AKR1E2: variants seen among roughly 807,000 people sequenced by gnomAD.
AKR1E2 encodes 1,5-anhydro-D-fructose reductase.
A neutral mutation model predicts 41.9 loss-of-function variants in AKR1E2; 43 were observed. That is an observed-to-expected ratio of 1.03 (90% confidence interval 0.80 to 1.32). The LOEUF is 1.32. Among genes scored for constraint, AKR1E2 ranks in the 40% most tolerant of loss-of-function variants. The pLI is 0.00. For missense variants in AKR1E2, 423 were observed against 396.5 expected, an observed-to-expected ratio of 1.07 and a Z score of -0.57; for synonymous variants, 121 against 138.9, an observed-to-expected ratio of 0.87 and a Z score of 0.91.
the AKR1E2 span, among the ~76,000 whole-genome samples, chr10:4,862,739 C>T: frequency 2.0e-5 from 3 of 151,918 alleles, no homozygotes; most frequent in Non-Finnish European, 4.4e-5. Context: ...GTTAGACACA[C>T]ATAGGCTCAA....
At chr10:4,827,236 G>C (rs1447090568) in intron 1 of AKR1E2, among the ~76,000 whole-genome samples, 1 of 152,122 alleles carries the variant, frequency 6.6e-6, no homozygotes, top group East Asian at 1.9e-4. Flanking sequence ...GTAATGTTTT[G>C]AGCCGTGTAT....
chr10:4,857,248 A>T, the AKR1E2 span, among the ~76,000 whole-genome samples: 4 of 152,188 alleles, frequency 2.6e-5, no homozygotes, highest in Non-Finnish European at 4.4e-5. Flanking sequence ...CTCATGTTCA[A>T]TTGTAATCCC....
At chr10:4,845,227 C>T (rs763592783) in intron 8 of AKR1E2, among the ~76,000 whole-genome samples, 68 of 152,060 alleles carry the variant, frequency 4.5e-4, no homozygotes, top group Admixed American at 1.0e-3. Flanking sequence ...GCCCACCAAG[C>T]CCACACCCAC....
At chr10:4,845,791 TGA>T (rs777915546) in intron 8 of AKR1E2, 2 of 471,168 alleles carry the variant, frequency 4.2e-6, no homozygotes, top group South Asian at 3.1e-5. Flanking sequence ...TGCTACACAC[TGA>T]GGGGAAATGC....
chr10:4,865,747 T>C, the AKR1E2 span, among the ~76,000 whole-genome samples: 1 of 152,178 alleles, frequency 6.6e-6, no homozygotes, highest in Admixed American at 6.5e-5. Flanking sequence ...TCAAAATCTT[T>C]AAAAATGTGC....
upstream of AKR1E2, among the ~76,000 whole-genome samples, chr10:4,825,301 G>C (rs1832387169): frequency 6.6e-6 from 1 of 152,158 alleles, no homozygotes; most frequent in Non-Finnish European, 1.5e-5. Flanking sequence ...TCTGGGTGTG[G>C]GTGTCCTCAA....
chr10:4,842,185 G>A (rs1564272367), intron 7 of AKR1E2, among the ~76,000 whole-genome samples: 1 of 152,056 alleles, frequency 6.6e-6, no homozygotes, highest in Admixed American at 6.5e-5. Context: ...AATGTCCAGT[G>A]GGGGGCTGGG....
upstream of AKR1E2, chr10:4,826,136 C>T (rs1224571098): frequency 7.0e-6 from 3 of 429,036 alleles, no homozygotes; most frequent in African/African-American, 4.1e-5. Flanking sequence ...AGTCAGTGCC[C>T]GGCGCGCGAC....
chr10:4,843,344 A>C (rs571349582), intron 8 of AKR1E2, among the ~76,000 whole-genome samples: 54 of 152,260 alleles, frequency 3.5e-4, no homozygotes, highest in African/African-American at 1.3e-3. Context: ...TGGCGTATGG[A>C]AGTACCTGAT....
Position 4,830,724 on chromosome 10 carries a change from G to A in AKR1E2, c.89G>A (p.Gly30Glu), listed in dbSNP as rs148197075. 6.2e-7 allele frequency: 1 copy of A among 1,614,108 alleles called. No homozygotes were observed. The highest frequency in any genetic ancestry group is 1.3e-5 in the African/African-American group (1 of 75,004). Residue 30 changes from glycine (G) to glutamate (E), a missense_variant, in exon 2 of 10, where the codon GGG (glycine) becomes GAG (glutamate). Gly to Glu is a moderately conservative substitution (Grantham distance 98). Coordinates refer to ENST00000298375, the MANE Select transcript of AKR1E2 (RefSeq NM_001040177.3). ...GCAGTGAAAGAGGCCATTGACGCAGGGTACCGGCACTTCGACTGTGCTTAC... is the reference window on the plus strand; with the variant it reads ...GCAGTGAAAGAGGCCATTGACGCAGAGTACCGGCACTTCGACTGTGCTTAC... ...TEAVKEAIDA[G>E]YRHFDCAYFY... is the part of the protein sequence containing the mutation.
At chr10:4,863,676 G>T in the AKR1E2 span, among the ~76,000 whole-genome samples, 1 of 151,670 alleles carries the variant, frequency 6.6e-6, no homozygotes, top group African/African-American at 2.4e-5. Context: ...CCAGGAGCTG[G>T]TTTTTTGAAA....
At chr10:4,870,080 A>AT in the AKR1E2 span, among the ~76,000 whole-genome samples, 5 of 152,066 alleles carry the variant, frequency 3.3e-5, no homozygotes, top group Non-Finnish European at 7.4e-5. Context: ...AATACATAGC[A>AT]TTTTTTGGTG....
upstream of AKR1E2, among the ~76,000 whole-genome samples, chr10:4,825,394 T>C (rs564097987): frequency 4.1e-4 from 63 of 151,868 alleles, no homozygotes; most frequent in Non-Finnish European, 7.1e-4. Flanking sequence ...GTCGGAAGGC[T>C]CCCTTGACCC....
At chr10:4,862,555 A>G in the AKR1E2 span, among the ~76,000 whole-genome samples, 3 of 152,168 alleles carry the variant, frequency 2.0e-5, no homozygotes, top group Admixed American at 6.5e-5. Flanking sequence ...GATTCTTCCT[A>G]TCCATGCACA....
the AKR1E2 span, among the ~76,000 whole-genome samples, chr10:4,863,981 C>G: frequency 6.6e-6 from 1 of 152,070 alleles, no homozygotes; most frequent in Non-Finnish European, 1.5e-5. Flanking sequence ...AGCTTACCAA[C>G]CAAAAAAAGC....
Position 4,839,836 on chromosome 10 carries a change from C to A in AKR1E2, c.680+10C>A. ...CTCTTGGTGGCTCGTGGTAAGGATA[C>A]CTCAGTGGTGTGTTAGTCAGAGTCC... On this transcript the variant is annotated intron_variant, in intron 6 of 9. Coordinates refer to ENST00000298375, the MANE Select transcript of AKR1E2 (RefSeq NM_001040177.3). 1.2e-6 allele frequency: 2 copies of A among 1,611,004 alleles called. No individual in the cohort carries two copies. The highest frequency in any genetic ancestry group is 2.2e-5 in the South Asian group (2 of 90,998).
intron 8 of AKR1E2, among the ~76,000 whole-genome samples, chr10:4,845,312 C>T (rs1588484787): frequency 6.6e-6 from 1 of 152,210 alleles, no homozygotes; most frequent in Non-Finnish European, 1.5e-5. Context: ...CACACCTCCC[C>T]GCAAGCTGAG....
chr10:4,859,850 A>G, the AKR1E2 span, among the ~76,000 whole-genome samples: 2 of 152,208 alleles, frequency 1.3e-5, no homozygotes, highest in African/African-American at 4.8e-5. Flanking sequence ...AGAATTTTCT[A>G]ATTTTGTGGT....
the AKR1E2 span, among the ~76,000 whole-genome samples, chr10:4,864,655 G>C: frequency 2.0e-5 from 3 of 152,160 alleles, no homozygotes; most frequent in Non-Finnish European, 4.4e-5. Flanking sequence ...ATTAGGAAAA[G>C]AGGAAGTCAA....
Sources: gnomAD v4.1 joint callset for allele counts (sites outside exome capture counted in the v4.1 genomes callset) on GRCh38, gnomAD v4.1.1 for gene constraint, MANE v1.5 for transcripts, NCBI Gene and HGNC (gene_info 2026-07-23, HGNC 2026-07-21) for gene names.